MLPH: variants seen among roughly 807,000 people sequenced by gnomAD.
The protein encoded by MLPH is exophilin-3.
In MLPH, 51 loss-of-function variants were observed where a neutral mutation model predicts 72.1. The observed-to-expected ratio is 0.71, with a 90% CI of 0.56 to 0.89. The LOEUF is 0.89. Ranked by LOEUF, MLPH falls within the 40% of genes least tolerant of loss-of-function variation. The pLI, the probability that MLPH is intolerant of heterozygous loss-of-function variation, is 0.00. For synonymous variants in MLPH, 301 were observed against 310.1 expected (o/e 0.97, Z 0.31); for missense variants, 743 against 759.9 (o/e 0.98, Z 0.26).
intron 2 of MLPH, among the ~76,000 whole-genome samples, chr2:237,509,018 C>A (rs1242422895): frequency 2.0e-5 from 3 of 152,206 alleles, no homozygotes; most frequent in Non-Finnish European, 4.4e-5. Context: ...ACCCAATTAG[C>A]AGAGTGCATG....
intron 6 of MLPH, among the ~76,000 whole-genome samples, chr2:237,520,299 T>C (rs1057195457): frequency 1.3e-5 from 2 of 150,024 alleles, no homozygotes; most frequent in South Asian, 4.3e-4. Flanking sequence ...GACAGATGAG[T>C]TGGGGCCCAG....
intron 2 of MLPH, among the ~76,000 whole-genome samples, chr2:237,497,859 T>C (rs1011765899): frequency 2.6e-5 from 4 of 152,202 alleles, no homozygotes; most frequent in Non-Finnish European, 4.4e-5. Context: ...CTGCTCCCGG[T>C]CACCGAGTCT....
chr2:237,518,271 G>C, intron 4 of MLPH: 1 of 555,812 alleles, frequency 1.8e-6, no homozygotes, highest in Non-Finnish European at 3.4e-6. Flanking sequence ...GGATGGATGG[G>C]CTGCCCATTG....
chr2:237,503,325 C>T (rs1021458029), intron 2 of MLPH, among the ~76,000 whole-genome samples: 1 of 152,100 alleles, frequency 6.6e-6, no homozygotes, highest in Non-Finnish European at 1.5e-5. Context: ...TCTGAGGCTC[C>T]GTCTCTCAGC....
In MLPH at chr2:237,540,446, C is replaced by T. The variant is rs778175460; in HGVS notation, c.1203C>T (p.Thr401=). 5.0e-6 allele frequency: 8 copies of T among 1,612,832 alleles called. No homozygotes were observed. The South Asian group carries it at 6.6e-5, about 13-fold the overall frequency. The change falls in exon 10 of 16, where the codon ACC becomes ACT. Residue 401 remains threonine, a synonymous_variant. Transcript: ENST00000264605. The part of the protein sequence containing the change: ...ELTSNVSDQE[T]SSEEEEAKDE... ...CCAGCAACGTCAGTGACCAGGAGAC[C>T]TCGTCCGAGGAGGAGGAAGCCAAGG...
chr2:237,501,677 AAAAAAAAAAAAATAC>A (rs2079652535), intron 2 of MLPH, among the ~76,000 whole-genome samples: 3 of 131,800 alleles, frequency 2.3e-5, no homozygotes, highest in South Asian at 4.6e-4. Flanking sequence ...AAAAAAAAAA[AAAAAAAAAAAAATAC>A]AAAAAAATTA....
At chr2:237,497,731 A>T (rs551389866) in intron 2 of MLPH, among the ~76,000 whole-genome samples, 1 of 152,362 alleles carries the variant, frequency 6.6e-6, no homozygotes, top group Non-Finnish European at 1.5e-5. Context: ...CCTGTCTTTC[A>T]TCATTGCTAA....
intron 2 of MLPH, among the ~76,000 whole-genome samples, chr2:237,507,848 T>C (rs1055149511): frequency 2.0e-5 from 3 of 152,238 alleles, no homozygotes; most frequent in African/African-American, 7.2e-5. Flanking sequence ...GTCGAAACAG[T>C]TCATCTCTCT....
At chr2:237,536,999 C>T (rs1237822014) in intron 9 of MLPH, among the ~76,000 whole-genome samples, 3 of 152,220 alleles carry the variant, frequency 2.0e-5, no homozygotes, top group African/African-American at 4.8e-5. Flanking sequence ...ATACACTCCC[C>T]GCGAGGGGAC....
At chr2:237,552,462 G>A (rs914378933) in intron 15 of MLPH, 25 bp downstream of exon 15, 1 of 1,602,468 alleles carries the variant, frequency 6.2e-7, no homozygotes, top group South Asian at 1.1e-5. Context: ...CATTCTCTGA[G>A]GAGTTTTTAA....
intron 2 of MLPH, among the ~76,000 whole-genome samples, chr2:237,500,015 G>A (rs879660567): frequency 6.6e-6 from 1 of 151,772 alleles, no homozygotes; most frequent in South Asian, 2.1e-4. Context: ...CAAAGTGCTG[G>A]GATTACAGAT....
intron 2 of MLPH, among the ~76,000 whole-genome samples, chr2:237,499,063 C>T (rs1278908518): frequency 2.7e-5 from 4 of 148,906 alleles, no homozygotes; most frequent in African/African-American, 1.0e-4. Flanking sequence ...AATAAATTGC[C>T]AATGACAGAT....
intron 1 of MLPH, among the ~76,000 whole-genome samples, chr2:237,488,851 G>T (rs915460226): frequency 6.6e-6 from 1 of 152,158 alleles, no homozygotes; most frequent in African/African-American, 2.4e-5. Flanking sequence ...ATGCAATAAC[G>T]GCTCAAATAA....
At chr2:237,500,370 T>C (rs1574837657) in intron 2 of MLPH, among the ~76,000 whole-genome samples, 1 of 152,190 alleles carries the variant, frequency 6.6e-6, no homozygotes, top group Admixed American at 6.5e-5. Flanking sequence ...GCATGACCCA[T>C]GTGGCAGCCA....
In MLPH at chr2:237,493,439, C is replaced by A; in HGVS notation, c.13C>A (p.Leu5Met). MGKK[L>M]DLSKLTDEEA... is the part of the protein sequence containing the mutation. ...ACAAGAAGCAGAAATGGGGAAGAAA[C>A]TGGATCTTTCCAAGCTCACTGATGA... Residue 5 changes from leucine to methionine, a missense_variant, in exon 2 of 16, where the codon CTG becomes ATG. Transcript: ENST00000264605. 1.2e-6 allele frequency: 2 copies of A among 1,613,928 alleles called. No individual in the cohort carries two copies. Among genetic ancestry groups the A allele is most frequent in the African/African-American group, 2.7e-5 (2 of 75,040 alleles).
chr2:237,552,988 A>G (rs2081068641), intron 15 of MLPH: 1 of 412,436 alleles, frequency 2.4e-6, no homozygotes, highest in African/African-American at 2.1e-5. Context: ...CACTCCACAG[A>G]GTGGGAGCAG....
intron 8 of MLPH, among the ~76,000 whole-genome samples, chr2:237,531,637 C>A (rs1160571753): frequency 6.6e-6 from 1 of 152,154 alleles, no homozygotes; most frequent in Non-Finnish European, 1.5e-5. Context: ...GGAATTGTTT[C>A]TCTTTATTTA....
At position 237,554,771 on chromosome 2, in the gene MLPH, G is replaced by C. The variant is rs1323670473; in HGVS notation, c.*1179G>C. ...AGTGTTTCCTTCCCTCTCTCAATAA[G>C]ACACTTCCAGGAGCTTTCCAATCTC... On this transcript the variant is annotated 3_prime_UTR_variant, in exon 16 of 16. Coordinates refer to ENST00000264605, the MANE Select transcript of MLPH (RefSeq NM_024101.7). 3 of 152,130 alleles carry C rather than the reference G, an allele frequency of 2.0e-5. No individual in the cohort carries two copies. Among genetic ancestry groups the C allele is most frequent in the Non-Finnish European group, 4.4e-5 (3 of 68,036 alleles). The allele number at this position is 152,130 out of a possible 1,614,324, so 9.4% of individuals were successfully genotyped here. A position where few individuals can be genotyped will look rare whatever the true frequency, so the allele number is the denominator to read the frequency against.
At chr2:237,494,955 G>A (rs1247634900) in intron 2 of MLPH, among the ~76,000 whole-genome samples, 2 of 152,192 alleles carry the variant, frequency 1.3e-5, no homozygotes, top group East Asian at 3.8e-4. Context: ...CAGGTCAGAG[G>A]TCCTAAAATC....
Sources: allele counts gnomAD v4.1 joint callset (sites outside exome capture counted in the v4.1 genomes callset), GRCh38; gene constraint gnomAD v4.1.1; transcripts MANE v1.5; gene names NCBI Gene and HGNC (gene_info 2026-07-23, HGNC 2026-07-21).